Variants in ITPR2 observed in about 807,000 individuals in gnomAD.
ITPR2 encodes inositol 1,4,5-trisphosphate-gated calcium channel ITPR2.
ITPR2 carries 207 observed loss-of-function variants against 317.1 expected under a neutral mutation model. The ratio of observed to expected loss-of-function variants is 0.65; its 90% confidence interval spans 0.58 to 0.73. The LOEUF (loss-of-function observed/expected upper bound fraction) is 0.73. Ranked by LOEUF, ITPR2 falls within the 30% of genes least tolerant of loss-of-function variation. The pLI is 0.00. For synonymous variants in ITPR2, 1,156 were observed against 1,149.1 expected, an observed-to-expected ratio of 1.01 and a Z score of -0.12; for missense variants, 2,613 against 3,284.0, an observed-to-expected ratio of 0.80 and a Z score of 4.99.
At chr12:26,479,665 G>A (rs1432085347) in intron 43 of ITPR2, among the ~76,000 whole-genome samples, 1 of 152,114 alleles carries the variant, frequency 6.6e-6, no homozygotes, top group Non-Finnish European at 1.5e-5. Context: ...TGAATCGAGG[G>A]GCACAAGTAC....
Position 26,596,925 on chromosome 12 carries a change from G to A in ITPR2, c.4212C>T (p.Asp1404=), listed in dbSNP as rs202044884. Residue 1404 remains aspartate, a synonymous_variant, in exon 31 of 57, where the codon GAC becomes GAT. Transcript: ENST00000381340. ...EIKCNSLLPL[D]DIVRVVTHDD... is the part of the protein sequence containing the mutation. ...CATGGGTCACCACCCTCACTATGTCGTCCAGCGGGAGAAGGGAATTACACT... is the reference window on the plus strand; with the variant it reads ...CATGGGTCACCACCCTCACTATGTCATCCAGCGGGAGAAGGGAATTACACT... 20 of 1,588,516 alleles carry A rather than the reference G, an allele frequency of 1.3e-5. No individual in the cohort carries two copies. The highest frequency in any genetic ancestry group is 9.0e-5 in the East Asian group (4 of 44,612).
At chr12:26,663,555 GC>G in intron 15 of ITPR2, 129 bp downstream of exon 15, 1 of 850,236 alleles carries the variant, frequency 1.2e-6, no homozygotes. Flanking sequence ...TTTATGTATT[GC>G]CCAACATAAA....
chr12:26,569,483 G>C (rs1945098360), intron 34 of ITPR2, among the ~76,000 whole-genome samples: 1 of 150,566 alleles, frequency 6.6e-6, no homozygotes, highest in Non-Finnish European at 1.5e-5. Flanking sequence ...GAACCCAGGG[G>C]AGTCGGGGCT....
At chr12:26,544,346 GC>G (rs1282496686) in intron 37 of ITPR2, among the ~76,000 whole-genome samples, 1 of 151,922 alleles carries the variant, frequency 6.6e-6, no homozygotes, top group Non-Finnish European at 1.5e-5. Flanking sequence ...TAAATTATAA[GC>G]TTTTAATAAA....
rs370491735 is a variant in ITPR2, at chr12:26,494,217, C to A, written c.5306G>T (p.Arg1769Ile). 3 of 1,613,020 alleles carry A rather than the reference C, an allele frequency of 1.9e-6. No individual in the cohort carries two copies. Among genetic ancestry groups the A allele is most frequent in the South Asian group, 1.1e-5 (1 of 90,950 alleles). ...IDVIVNTKND[R>I]IFSEGIFLGI... ...GAGGAAAATGCCTTCTGAAAAAATT[C>A]TGTCATTTTTGGTGTTCACTATAAC... Residue 1769 changes from arginine (R) to isoleucine (I), a missense_variant, in exon 39 of 57, where the codon AGA becomes ATA. Around this residue, in one of 9 missense-constraint regions of ITPR2, gnomAD observed 926 missense variants for 1,072.8 expected, o/e 0.86. Coordinates refer to ENST00000381340, the MANE Select transcript of ITPR2 (RefSeq NM_002223.4).
At chr12:26,492,080 C>A (rs1375901486) in intron 39 of ITPR2, among the ~76,000 whole-genome samples, 25 of 152,084 alleles carry the variant, frequency 1.6e-4, no homozygotes, top group Admixed American at 1.6e-3. Flanking sequence ...GGAGAAAAAC[C>A]TTTGCAGAAG....
intron 50 of ITPR2, among the ~76,000 whole-genome samples, chr12:26,418,374 A>G (rs1313946944): frequency 6.6e-6 from 1 of 152,186 alleles, no homozygotes; most frequent in East Asian, 1.9e-4. Context: ...TTTAAGCTTC[A>G]AAACATTATC....
chr12:26,708,892 T>C (rs1294368243), intron 9 of ITPR2, among the ~76,000 whole-genome samples: 2 of 152,196 alleles, frequency 1.3e-5, no homozygotes, highest in East Asian at 3.8e-4. Flanking sequence ...ACGTATACTA[T>C]GTGTCCATAA....
intron 2 of ITPR2, among the ~76,000 whole-genome samples, chr12:26,781,256 G>T (rs1386426709): frequency 6.6e-6 from 1 of 152,188 alleles, no homozygotes; most frequent in Non-Finnish European, 1.5e-5. Flanking sequence ...AGTAGAAGAA[G>T]GTAGTCATTA....
At chr12:26,786,629 C>T (rs1950256784) in intron 2 of ITPR2, among the ~76,000 whole-genome samples, 1 of 152,040 alleles carries the variant, frequency 6.6e-6, no homozygotes, top group Non-Finnish European at 1.5e-5. Context: ...AACTTAGTTT[C>T]CTCTGTTCAC....
At position 26,687,878 on chromosome 12, in the gene ITPR2, ACT is replaced by A. The variant is rs374043598; in HGVS notation, c.997-1248_997-1247del. ...TTAAATGAAAGCAGGGGTTCAGCAA[ACT>A]CTCCACAAAGGGTGACCCTCATAAC... On this transcript the variant is annotated intron_variant, in intron 10 of 56. Coordinates refer to ENST00000381340, the MANE Select transcript of ITPR2 (RefSeq NM_002223.4). Among the ~76,000 whole-genome samples, 5 of 152,156 alleles carry A rather than the reference ACT, an allele frequency of 3.3e-5. No individual in the cohort carries two copies. In the South Asian group the frequency reaches 1.0e-3, roughly 32 times the overall value.
chr12:26,494,473 A>G lies in ITPR2; in HGVS notation c.5183-133T>C, dbSNP rs1942886573. 6 of 599,816 alleles carry G rather than the reference A, an allele frequency of 1.0e-5. No individual in the cohort carries two copies. In the South Asian group the frequency reaches 1.6e-4, roughly 16 times the overall value. The allele number at this position is 599,816 out of a possible 1,614,324, so 37.2% of individuals were successfully genotyped here. A position where few individuals can be genotyped will look rare whatever the true frequency, so the allele number is the denominator to read the frequency against. ...AGATTTTTTCCCTACAAAGTTAAATATAATAGAAGCTTGAGGCTGGGCATG... is the reference window on the plus strand; with the variant it reads ...AGATTTTTTCCCTACAAAGTTAAATGTAATAGAAGCTTGAGGCTGGGCATG... On this transcript the variant is annotated intron_variant, in intron 38 of 56. Coordinates refer to ENST00000381340, the MANE Select transcript of ITPR2 (RefSeq NM_002223.4).
intron 22 of ITPR2, 96 bp downstream of exon 22, chr12:26,631,770 G>T: frequency 9.6e-7 from 1 of 1,043,460 alleles, no homozygotes; most frequent in Non-Finnish European, 1.4e-6. Context: ...TAGCATTTCA[G>T]AATATTTACA....
At chr12:26,478,923 T>G (rs1228046635) in intron 43 of ITPR2, among the ~76,000 whole-genome samples, 2 of 152,062 alleles carry the variant, frequency 1.3e-5, no homozygotes, top group African/African-American at 4.8e-5. Flanking sequence ...ATTAAGCAAT[T>G]AAATTCAGGA....
intron 13 of ITPR2, among the ~76,000 whole-genome samples, chr12:26,670,060 G>C (rs1947723732): frequency 6.6e-6 from 1 of 152,254 alleles, no homozygotes; most frequent in Non-Finnish European, 1.5e-5. Context: ...CGAACTGGGT[G>C]AAGCCCACCA....
At chr12:26,564,739 A>G (rs1305698188) in intron 34 of ITPR2, among the ~76,000 whole-genome samples, 3 of 152,184 alleles carry the variant, frequency 2.0e-5, no homozygotes, top group Non-Finnish European at 1.5e-5. Context: ...CAAACCTCAG[A>G]AGCTAAGAGA....
At chr12:26,473,526 C>A (rs773658716) in intron 45 of ITPR2, among the ~76,000 whole-genome samples, 1 of 152,214 alleles carries the variant, frequency 6.6e-6, no homozygotes, top group Non-Finnish European at 1.5e-5. Flanking sequence ...AGTGGTTCTA[C>A]TTCCCTACTT....
In ITPR2 at chr12:26,399,035, A is replaced by G; in HGVS notation, c.7537T>C (p.Leu2513=). The G allele has an allele frequency of 6.3e-7, 1 of 1,576,378 alleles. No individual in the cohort carries two copies. The highest frequency in any genetic ancestry group is 1.2e-5 in the South Asian group (1 of 84,128). ...TCATAAACCACTCGGGCAGCAAACA[A>G]GGGCTCCTGAAATAAAAATATTTAA... The part of the protein sequence containing the change: ...VLRRPSKDEP[L]FAARVVYDLL... The change falls in exon 54 of 57, where the codon TTG becomes CTG. Residue 2513 remains leucine, a synonymous_variant. Transcript: ENST00000381340.
At chr12:26,702,380 G>A (rs1043456354) in intron 9 of ITPR2, among the ~76,000 whole-genome samples, 1 of 111,632 alleles carries the variant, frequency 9.0e-6, no homozygotes. Flanking sequence ...TGAGGTTTTT[G>A]GTTTGGTTTG....
Sources: gnomAD v4.1 joint callset for allele counts (sites outside exome capture counted in the v4.1 genomes callset) on GRCh38, gnomAD v4.1.1 for gene constraint, gnomAD v4.1.1 regional missense constraint, MANE v1.5 for transcripts, NCBI Gene and HGNC (gene_info 2026-07-23, HGNC 2026-07-21) for gene names.